Variants in VIPR2 observed in about 807,000 individuals in gnomAD.
VIPR2 encodes vasoactive intestinal polypeptide receptor 2.
A neutral mutation model predicts 58.0 loss-of-function variants in VIPR2; 48 were observed. The ratio of observed to expected loss-of-function variants is 0.83; its 90% CI spans 0.66 to 1.05. VIPR2 has a LOEUF of 1.05. VIPR2 is among the 50% of genes least tolerant of loss of function. The pLI, the probability that VIPR2 is intolerant of heterozygous loss-of-function variation, is 0.00. For missense variants in VIPR2, 534 were observed against 558.0 expected, an observed-to-expected ratio of 0.96 and a Z score of 0.43; for synonymous variants, 243 against 235.2, an observed-to-expected ratio of 1.03 and a Z score of -0.30.
chr7:159,070,750 T>G (rs1402593162), intron 4 of VIPR2, among the ~76,000 whole-genome samples: 1 of 152,268 alleles, frequency 6.6e-6, no homozygotes, highest in East Asian at 1.9e-4. Context: ...AGGGCTACAT[T>G]GCAAATTATA....
At chr7:159,061,383 A>G (rs1356709147) in intron 4 of VIPR2, among the ~76,000 whole-genome samples, 3 of 150,122 alleles carry the variant, frequency 2.0e-5, no homozygotes, top group Non-Finnish European at 4.4e-5. Flanking sequence ...GGTGGCTCAC[A>G]CCTGCAAAAT....
At chr7:159,045,339 A>C (rs1854579856) in intron 5 of VIPR2, among the ~76,000 whole-genome samples, 1 of 152,198 alleles carries the variant, frequency 6.6e-6, no homozygotes, top group Non-Finnish European at 1.5e-5. Context: ...CATCATCTCA[A>C]TTTCAAACTT....
intron 2 of VIPR2, chr7:159,117,524 G>A: frequency 1.5e-6 from 1 of 669,470 alleles, no homozygotes; most frequent in African/African-American, 1.8e-5. Flanking sequence ...CATGGACACA[G>A]ATGGGTGCAA....
chr7:159,036,661 C>A, intron 7 of VIPR2, 91 bp downstream of exon 7: 1 of 1,456,324 alleles, frequency 6.9e-7, no homozygotes, highest in Non-Finnish European at 9.2e-7. Context: ...TCTACGGGGG[C>A]GGCAAAGTGT....
At chr7:159,081,226 G>A (rs533831324) in intron 4 of VIPR2, among the ~76,000 whole-genome samples, 1 of 152,234 alleles carries the variant, frequency 6.6e-6, no homozygotes, top group South Asian at 2.1e-4. Context: ...TATATTACAA[G>A]GCTACAGTAA....
Position 159,109,935 on chromosome 7 carries a change from CA to C in VIPR2, c.152-17del, listed in dbSNP as rs544906954. The C allele has an allele frequency of 6.6e-5, 107 of 1,611,418 alleles. No individual in the cohort carries two copies. In the African/African-American group the frequency reaches 1.2e-3, roughly 18 times the overall value. Reference sequence around the variant, plus strand: ...CCACTGCAGGCTGGAAGGAGAGAAGCAGAGTGAGGCAGGTGCAAGGTGACAG... The same window carrying C: ...CCACTGCAGGCTGGAAGGAGAGAAGCGAGTGAGGCAGGTGCAAGGTGACAG... On this transcript the variant is annotated splice_polypyrimidine_tract_variant and intron_variant, in intron 2 of 12. Transcript: ENST00000262178.
rs1291534010 is a variant in VIPR2, at chr7:159,099,804, C to T, written c.357+3953G>A. On this transcript the variant is annotated intron_variant, in intron 4 of 12. Transcript: ENST00000262178. The surrounding 1 kb of genome is among the most constrained non-coding windows in gnomAD (Gnocchi z 4.2). Reference sequence around the variant, plus strand: ...CCACAGAAGCCCCTGAGACCCCTGGCTGCTCCCTTTCCTATGGAAGCCTGG... The same window carrying T: ...CCACAGAAGCCCCTGAGACCCCTGGTTGCTCCCTTTCCTATGGAAGCCTGG... Among the ~76,000 whole-genome samples the T allele has an allele frequency of 6.6e-6, 1 of 152,132 alleles. No individual in the cohort carries two copies. The highest frequency in any genetic ancestry group is 6.5e-5 in the Admixed American group (1 of 15,276).
chr7:159,042,624 C>A (rs1158135915), intron 6 of VIPR2, among the ~76,000 whole-genome samples: 1 of 152,212 alleles, frequency 6.6e-6, no homozygotes, highest in Non-Finnish European at 1.5e-5. Context: ...CAAGTTCTTC[C>A]AGCAATCTGG....
chr7:159,069,049 A>T (rs1311375862), intron 4 of VIPR2, among the ~76,000 whole-genome samples: 1 of 152,176 alleles, frequency 6.6e-6, no homozygotes, highest in African/African-American at 2.4e-5. Flanking sequence ...GAGCCGCGTG[A>T]ACCGTTCTGG....
rs756163584 is a variant in VIPR2, at chr7:159,043,021, G to A, written c.597+14C>T. The A allele has an allele frequency of 3.7e-6, 6 of 1,612,744 alleles. No homozygotes were observed. The highest frequency in any genetic ancestry group is 2.2e-5 in the East Asian group (1 of 44,872). On this transcript the variant is annotated intron_variant, in intron 6 of 12. Transcript: ENST00000262178. ...GGACAAGACAGTGGGACCCTGTGGT[G>A]GGGACAGCCTTACCCAGGAGGATGG...
At chr7:159,108,149 C>G (rs1045010658) in intron 3 of VIPR2, among the ~76,000 whole-genome samples, 4 of 152,230 alleles carry the variant, frequency 2.6e-5, no homozygotes, top group African/African-American at 9.6e-5. Context: ...GCCTGACTTT[C>G]ATTTCTTTCT....
At chr7:159,120,026 G>A (rs866841237) in intron 2 of VIPR2, among the ~76,000 whole-genome samples, 7 of 152,218 alleles carry the variant, frequency 4.6e-5, no homozygotes, top group Middle Eastern at 3.4e-3. Flanking sequence ...GTGTGCTGGG[G>A]CCACCCTCAG....
chr7:159,105,675 G>A (rs1858603175), intron 3 of VIPR2, among the ~76,000 whole-genome samples: 2 of 151,796 alleles, frequency 1.3e-5, no homozygotes, highest in Admixed American at 6.5e-5. Context: ...CCTCACACAG[G>A]GAGCCCCAGC....
chr7:159,055,728 G>C (rs910682222), intron 5 of VIPR2, among the ~76,000 whole-genome samples: 6 of 152,122 alleles, frequency 3.9e-5, no homozygotes, highest in African/African-American at 1.2e-4. Flanking sequence ...TGTTTCTGTG[G>C]AGTGGGGTTG....
intron 2 of VIPR2, among the ~76,000 whole-genome samples, chr7:159,122,679 G>A (rs1796498980): frequency 6.6e-6 from 1 of 152,058 alleles, no homozygotes; most frequent in Non-Finnish European, 1.5e-5. Flanking sequence ...GCTGAGCAAG[G>A]AGGTTTCCAT....
At chr7:159,091,475 T>C (rs1469952270) in intron 4 of VIPR2, among the ~76,000 whole-genome samples, 3 of 152,196 alleles carry the variant, frequency 2.0e-5, no homozygotes, top group Non-Finnish European at 4.4e-5. Flanking sequence ...GATATGATGA[T>C]GAAAGGAATT....
chr7:159,034,339 C>G (rs114683900), intron 9 of VIPR2, 35 bp from the exon 10 acceptor site: 2 of 1,602,580 alleles, frequency 1.2e-6, no homozygotes, highest in Admixed American at 3.3e-5. Flanking sequence ...GAAACAGACA[C>G]GTGGATCCCT....
intron 2 of VIPR2, among the ~76,000 whole-genome samples, chr7:159,140,069 GTTTT>G (rs1216344091): frequency 6.7e-6 from 1 of 148,634 alleles, no homozygotes; most frequent in Non-Finnish European, 1.5e-5. Context: ...GGATTTACGT[GTTTT>G]TTTGTTTTTG....
chr7:159,072,323 A>G (rs1443317395), intron 4 of VIPR2, among the ~76,000 whole-genome samples: 1 of 152,266 alleles, frequency 6.6e-6, no homozygotes, highest in African/African-American at 2.4e-5. Context: ...AATTTTAAAG[A>G]GCAAGAAAAT....
Sources: gnomAD v4.1 joint callset for allele counts (sites outside exome capture counted in the v4.1 genomes callset) on GRCh38, gnomAD v4.1.1 for gene constraint, Gnocchi (gnomAD v3.1) non-coding constraint, MANE v1.5 for transcripts, NCBI Gene and HGNC (gene_info 2026-07-23, HGNC 2026-07-21) for gene names.